Variants in KYAT1 observed in about 807,000 individuals in gnomAD.
KYAT1 encodes kynurenine aminotransferase 1, also known as kynurenine--oxoglutarate transaminase 1.
Under a neutral mutation model 52.4 loss-of-function variants are expected in KYAT1, and 47 were observed. The ratio of observed to expected loss-of-function variants is 0.90; its 90% CI spans 0.71 to 1.14. KYAT1 has a LOEUF of 1.14. Among genes scored for constraint, KYAT1 ranks in the 50% most tolerant of loss-of-function variants. The pLI is 0.00. For synonymous variants in KYAT1, 212 were observed against 209.6 expected (o/e 1.01, Z -0.10); for missense variants, 480 against 557.9 (o/e 0.86, Z 1.41).
chr9:128,856,382 A>G (rs2759012), intron 1 of KYAT1, among the ~76,000 whole-genome samples: 151,418 of 152,262 alleles, frequency 0.99, 75,294 homozygotes, highest in Middle Eastern at 1. Flanking sequence ...CAGCAGCTCC[A>G]GAGAGACAGC....
intron 1 of KYAT1, among the ~76,000 whole-genome samples, chr9:128,852,264 C>T (rs558411926): frequency 2.6e-5 from 4 of 152,292 alleles, no homozygotes; most frequent in Non-Finnish European, 4.4e-5. Flanking sequence ...CTCTCCAACC[C>T]GGGATGCCCT....
In KYAT1 at chr9:128,836,055, C is replaced by T. The variant is rs748899384; in HGVS notation, c.707G>A (p.Trp236Ter). 1 of 1,613,950 alleles carries T rather than the reference C, an allele frequency of 6.2e-7. No individual in the cohort carries two copies. Among genetic ancestry groups the T allele is most frequent in the Admixed American group, 1.7e-5 (1 of 60,014 alleles). ...GCTGCCGATGGTCAGGGTCCGTTCC[C>T]ACATGCCAGGGAGGCTGGCTGCCCA... ...HISIASLPGM[W>*]ERTLTIGSAG... is the part of the protein sequence containing the mutation. The change falls in exon 8 of 13, where the codon TGG (tryptophan) becomes TAG (stop). Residue 236 changes from tryptophan (W) to a stop codon, truncating the protein, a stop_gained. Transcript: ENST00000302586. LOFTEE classifies it high-confidence loss of function.
intron 2 of KYAT1, 90 bp downstream of exon 2, chr9:128,845,263 C>A (rs982274375): frequency 3.0e-6 from 3 of 996,724 alleles, no homozygotes; most frequent in Non-Finnish European, 4.7e-6. Flanking sequence ...CCGCCACCAT[C>A]TGGAGTACTA....
intron 1 of KYAT1, among the ~76,000 whole-genome samples, chr9:128,855,522 C>T (rs980324410): frequency 2.0e-5 from 3 of 152,204 alleles, no homozygotes; most frequent in Admixed American, 1.3e-4. Flanking sequence ...AATTCCAATC[C>T]GACAATTCCT....
intron 7 of KYAT1, among the ~76,000 whole-genome samples, chr9:128,836,360 G>A (rs536400523): frequency 5.8e-5 from 8 of 137,366 alleles, no homozygotes; most frequent in African/African-American, 1.1e-4. Flanking sequence ...ATGCAATGGC[G>A]CCATCTTGCC....
chr9:128,864,084 C>T lies in KYAT1; in HGVS notation c.-7+17813G>A, dbSNP rs569463590. Among the ~76,000 whole-genome samples, 111 of 151,746 alleles carry T rather than the reference C, an allele frequency of 7.3e-4. 1 individual carries two copies. Among genetic ancestry groups the T allele is most frequent in the Non-Finnish European group, 1.4e-3 (95 of 67,902 alleles). On this transcript the variant is annotated intron_variant, in intron 1 of 12. Transcript: ENST00000302586. Reference sequence around the variant, plus strand: ...CACCACTTAAAAATGTTTTTCAGGCCGGGCGCGGTGGCTCACACCTGTAAT... The same window carrying T: ...CACCACTTAAAAATGTTTTTCAGGCTGGGCGCGGTGGCTCACACCTGTAAT...
chr9:128,879,525 G>C (rs956803579), intron 1 of KYAT1, among the ~76,000 whole-genome samples: 3 of 152,158 alleles, frequency 2.0e-5, no homozygotes, highest in African/African-American at 7.2e-5. Context: ...GCACCTAATG[G>C]AGGCATTCTC....
At chr9:128,865,359 A>ATTTTTTTTTT (rs776787253) in intron 1 of KYAT1, among the ~76,000 whole-genome samples, 3 of 27,310 alleles carry the variant, frequency 1.1e-4, no homozygotes, top group South Asian at 1.4e-3. Context: ...ATATATATAT[A>ATTTTTTTTTT]TTTTTTTTTT....
chr9:128,862,938 C>T (rs1835661826), intron 1 of KYAT1, among the ~76,000 whole-genome samples: 1 of 152,152 alleles, frequency 6.6e-6, no homozygotes, highest in Non-Finnish European at 1.5e-5. Flanking sequence ...GATTCTCATG[C>T]CTCAGCCTCC....
chr9:128,866,146 C>A (rs995949116), intron 1 of KYAT1, among the ~76,000 whole-genome samples: 1 of 152,176 alleles, frequency 6.6e-6, no homozygotes, highest in Non-Finnish European at 1.5e-5. Context: ...ACCTTCCTTT[C>A]CTCCAAGGAG....
At chr9:128,847,231 C>T (rs1430777752) in intron 1 of KYAT1, among the ~76,000 whole-genome samples, 2 of 152,198 alleles carry the variant, frequency 1.3e-5, no homozygotes, top group African/African-American at 4.8e-5. Flanking sequence ...CACCCTACAG[C>T]GCCCAAGCTG....
chr9:128,863,790 G>A (rs1304258060), intron 1 of KYAT1, among the ~76,000 whole-genome samples: 1 of 152,138 alleles, frequency 6.6e-6, no homozygotes. Flanking sequence ...TGAGGTTGCT[G>A]GCCCAGGTCA....
chr9:128,845,097 ACT>A (rs1310395439), intron 2 of KYAT1, among the ~76,000 whole-genome samples: 1 of 151,918 alleles, frequency 6.6e-6, no homozygotes, highest in Non-Finnish European at 1.5e-5. Flanking sequence ...GGTGGGTATA[ACT>A]CTTCATTTTG....
chr9:128,879,920 T>C (rs1432502982), intron 1 of KYAT1, among the ~76,000 whole-genome samples: 3 of 151,988 alleles, frequency 2.0e-5, no homozygotes, highest in Non-Finnish European at 4.4e-5. Flanking sequence ...ACAGAGTAGG[T>C]CCCCCAGGCA....
intron 1 of KYAT1, chr9:128,847,644 C>G (rs912797872): frequency 3.5e-6 from 2 of 577,422 alleles, no homozygotes; most frequent in South Asian, 4.2e-5. Context: ...ACACACAGCT[C>G]TAACAATAAC....
chr9:128,846,890 T>A (rs1318251644), intron 1 of KYAT1: 8 of 1,522,046 alleles, frequency 5.3e-6, no homozygotes, highest in African/African-American at 1.4e-5. Context: ...TGGCTCAGGA[T>A]TTTGCTCAGT....
At chr9:128,837,904 A>T in intron 5 of KYAT1, 91 bp from the exon 6 acceptor site, 3 of 1,514,814 alleles carry the variant, frequency 2.0e-6, no homozygotes, top group South Asian at 1.1e-5. Context: ...CTCCCCTGGG[A>T]TCCCAACACA....
chr9:128,855,728 G>A (rs959059472), intron 1 of KYAT1, among the ~76,000 whole-genome samples: 2 of 152,110 alleles, frequency 1.3e-5, no homozygotes, highest in Admixed American at 6.5e-5. Context: ...CCGACCGTGG[G>A]AGGCTTCCCC....
At position 128,838,244 on chromosome 9, in the gene KYAT1, G is replaced by A; in HGVS notation, c.325C>T (p.Gln109Ter). The A allele has an allele frequency of 6.2e-7, 1 of 1,614,212 alleles. No homozygotes were observed. The highest frequency in any genetic ancestry group is 8.5e-7 in the Non-Finnish European group (1 of 1,180,040). The change falls in exon 4 of 13, where the codon CAG (glutamine) becomes TAG (stop). Residue 109 changes from glutamine (Q) to a stop codon, truncating the protein, a stop_gained. Coordinates refer to ENST00000302586, the MANE Select transcript of KYAT1 (RefSeq NM_004059.5). LOFTEE classifies it high-confidence loss of function. The part of the protein sequence containing the change: ...GGYGALFTAF[Q>*]ALVDEGDEVI... ...TCGTCTCCTTCGTCCACCAGGGCCT[G>A]GAAGGCTGTGAACAGGGCCCCATAG... is the stretch of plus-strand genomic sequence containing the variant.
Sources: allele counts gnomAD v4.1 joint callset (sites outside exome capture counted in the v4.1 genomes callset), GRCh38; gene constraint gnomAD v4.1.1; transcripts MANE v1.5; gene names NCBI Gene and HGNC (gene_info 2026-07-23, HGNC 2026-07-21).